The following RIMS1 variants were observed in gnomAD, a reference collection of about 807,000 sequenced individuals.
RIMS1 encodes regulating synaptic membrane exocytosis 1.
A neutral mutation model predicts 214.1 loss-of-function variants in RIMS1; 83 were observed. The observed-to-expected ratio is 0.39, with a 90% CI of 0.32 to 0.47. The LOEUF (loss-of-function observed/expected upper bound fraction) is 0.47, where lower values mean the gene tolerates loss of function less well. Among genes scored for constraint, RIMS1 ranks in the 20% least tolerant of loss-of-function variants. The pLI is 0.99. For synonymous variants in RIMS1, 793 were observed against 786.8 expected (o/e 1.01, Z -0.13); for missense variants, 2,050 against 2,161.8 (o/e 0.95, Z 1.03).
At chr6:72,098,498 T>C (rs2032582581) in intron 3 of RIMS1, among the ~76,000 whole-genome samples, 1 of 152,068 alleles carries the variant, frequency 6.6e-6, no homozygotes, top group South Asian at 2.1e-4. Context: ...TTTCACCATG[T>C]TGACCAGGCT....
intron 1 of RIMS1, among the ~76,000 whole-genome samples, chr6:71,915,859 G>A (rs1252365629): frequency 6.6e-6 from 1 of 152,078 alleles, no homozygotes; most frequent in Non-Finnish European, 1.5e-5. Context: ...ATGGCAGAAG[G>A]CAAAGGAGGG....
intron 1 of RIMS1, among the ~76,000 whole-genome samples, chr6:71,922,878 A>T (rs539208582): frequency 2.6e-5 from 4 of 152,202 alleles, no homozygotes. Context: ...CTTGTGCTCA[A>T]TAGGAGCAGT....
At chr6:71,956,376 A>G (rs972667180) in intron 1 of RIMS1, among the ~76,000 whole-genome samples, 1 of 152,196 alleles carries the variant, frequency 6.6e-6, no homozygotes. Flanking sequence ...CTTACAACCA[A>G]GAAAAAATTG....
intron 2 of RIMS1, among the ~76,000 whole-genome samples, chr6:72,071,642 T>C (rs1026705281): frequency 1.3e-5 from 2 of 152,062 alleles, no homozygotes; most frequent in Non-Finnish European, 2.9e-5. Flanking sequence ...AGTTCAAATA[T>C]GTGTCAGTTG....
At chr6:72,324,630 G>A (rs896805822) in intron 28 of RIMS1, among the ~76,000 whole-genome samples, 2 of 151,766 alleles carry the variant, frequency 1.3e-5, no homozygotes, top group African/African-American at 4.8e-5. Context: ...AATGAAAGGG[G>A]ACAATAATAC....
chr6:72,160,145 G>C (rs375237844), intron 4 of RIMS1, among the ~76,000 whole-genome samples: 4 of 134,464 alleles, frequency 3.0e-5, no homozygotes, highest in African/African-American at 1.0e-4. Flanking sequence ...CTCTTTGAAG[G>C]AATTGTGAAT....
At chr6:72,197,494 C>T (rs2249751) in intron 6 of RIMS1, among the ~76,000 whole-genome samples, 15,134 of 152,056 alleles carry the variant, frequency 0.1, 814 homozygotes, top group South Asian at 0.16. Flanking sequence ...AATTTGTTCA[C>T]CCAAACACAC....
chr6:72,026,143 G>A (rs763142013), intron 2 of RIMS1, among the ~76,000 whole-genome samples: 110 of 152,254 alleles, frequency 7.2e-4, no homozygotes, highest in Non-Finnish European at 1.2e-3. Context: ...AATTTTACAG[G>A]TGTGGATTTT....
intron 29 of RIMS1, among the ~76,000 whole-genome samples, chr6:72,355,920 T>C (rs1047102252): frequency 1.3e-5 from 2 of 152,230 alleles, no homozygotes; most frequent in Admixed American, 1.3e-4. Flanking sequence ...CGACTCCCAC[T>C]GTTCTCAGAA....
intron 2 of RIMS1, among the ~76,000 whole-genome samples, chr6:72,069,153 T>C (rs1348627838): frequency 1.3e-5 from 2 of 152,216 alleles, no homozygotes; most frequent in East Asian, 3.9e-4. Flanking sequence ...AGCATGACTT[T>C]AATGCTCTAC....
At position 72,283,280 on chromosome 6, in the gene RIMS1, A is replaced by G. The variant is rs555263397; in HGVS notation, c.3483-767A>G. ...AAATATATGGTACTGAAGACATTTT[A>G]GGCTAATTAGACATATGTAAGCTGC... On this transcript the variant is annotated intron_variant, in intron 23 of 33. Coordinates refer to ENST00000521978, the MANE Select transcript of RIMS1 (RefSeq NM_014989.7). Among the ~76,000 whole-genome samples, 19 of 152,216 alleles carry G rather than the reference A, an allele frequency of 1.2e-4. No homozygotes were observed. The South Asian group carries it at 3.5e-3, about 28-fold the overall frequency.
At chr6:72,172,653 A>G (rs538818974) in intron 4 of RIMS1, among the ~76,000 whole-genome samples, 1 of 152,330 alleles carries the variant, frequency 6.6e-6, no homozygotes, top group African/African-American at 2.4e-5. Flanking sequence ...TTCATATTCT[A>G]TGGATTGGAT....
At position 72,121,296 on chromosome 6, in the gene RIMS1, G is replaced by C. The variant is rs758489840; in HGVS notation, c.471+21310G>C. 1.7e-4 allele frequency among the ~76,000 whole-genome samples: 26 copies of C among 151,874 alleles called. 1 individual carries two copies. The highest frequency in any genetic ancestry group is 2.4e-4 in the Non-Finnish European group (16 of 67,808). ...TTCCTACCCATGAGCATGGAATGTT[G>C]TTCCATTTGTTTGTGTCCTCTTTTA... On this transcript the variant is annotated intron_variant, in intron 4 of 33. Transcript: ENST00000521978.
intron 4 of RIMS1, among the ~76,000 whole-genome samples, chr6:72,112,697 A>G (rs762851137): frequency 6.9e-4 from 105 of 152,276 alleles, no homozygotes; most frequent in Admixed American, 1.3e-3. Context: ...AAAGAGGCCC[A>G]CTGTAATTAC....
rs375070828 is a variant in RIMS1, at chr6:71,935,795, A to C, written c.165-33188A>C. 6.6e-5 allele frequency among the ~76,000 whole-genome samples: 10 copies of C among 152,344 alleles called. No homozygotes were observed. In the South Asian group the frequency reaches 1.7e-3, roughly 25 times the overall value. ...AAAGTTTAAAGTAGATTCTGCGAAC[A>C]CAATTTCAAAATCTCCCTCTCATGA... On this transcript the variant is annotated intron_variant, in intron 1 of 33. Coordinates refer to ENST00000521978, the MANE Select transcript of RIMS1 (RefSeq NM_014989.7).
chr6:71,951,678 TA>T (rs1331830723), intron 1 of RIMS1, among the ~76,000 whole-genome samples: 6 of 125,744 alleles, frequency 4.8e-5, no homozygotes, highest in Non-Finnish European at 6.8e-5. Flanking sequence ...TTTTTTTTTT[TA>T]ATAGTGACAG....
chr6:72,200,181 A>G (rs892814531), intron 6 of RIMS1, among the ~76,000 whole-genome samples: 1 of 152,156 alleles, frequency 6.6e-6, no homozygotes, highest in African/African-American at 2.4e-5. Context: ...GTGGGTTCAC[A>G]TGGAACTGTA....
intron 29 of RIMS1, among the ~76,000 whole-genome samples, chr6:72,341,916 G>A (rs556445241): frequency 6.6e-6 from 1 of 151,770 alleles, no homozygotes; most frequent in African/African-American, 2.4e-5. Flanking sequence ...AGATGTTGAT[G>A]TTTATATTCT....
At chr6:72,223,583 A>G (rs1173026303) in intron 6 of RIMS1, among the ~76,000 whole-genome samples, 1 of 152,148 alleles carries the variant, frequency 6.6e-6, no homozygotes, top group Non-Finnish European at 1.5e-5. Context: ...TAGGCTGCAT[A>G]TTTAATCACA....
Sources: allele counts gnomAD v4.1 joint callset (sites outside exome capture counted in the v4.1 genomes callset), GRCh38; gene constraint gnomAD v4.1.1; transcripts MANE v1.5; gene names NCBI Gene and HGNC (gene_info 2026-07-23, HGNC 2026-07-21).